Variants in RANBP17 observed in about 807,000 individuals in gnomAD.
The protein encoded by RANBP17 is RAN binding protein 17, also known as ran-binding protein 17.
RANBP17 carries 158 observed loss-of-function variants against 141.2 expected under a neutral mutation model. The ratio of observed to expected loss-of-function variants is 1.12; its 90% CI spans 0.98 to 1.28. The LOEUF is 1.28. Ranked by LOEUF, RANBP17 falls within the 50% of genes most tolerant of loss-of-function variation. The probability of loss-of-function intolerance (pLI) is 0.00; values close to 1 mark genes in which losing one functional copy is unlikely to be tolerated. For missense variants in RANBP17, 1,438 were observed against 1,290.7 expected, an observed-to-expected ratio of 1.11 and a Z score of -1.75; for synonymous variants, 430 against 450.0, an observed-to-expected ratio of 0.96 and a Z score of 0.56.
chr5:170,869,011 T>G (rs765405710), intron 1 of RANBP17, among the ~76,000 whole-genome samples: 5 of 152,204 alleles, frequency 3.3e-5, no homozygotes, highest in Non-Finnish European at 7.3e-5. Context: ...ACCTTTACAG[T>G]GAAAGAATAA....
intron 14 of RANBP17, among the ~76,000 whole-genome samples, chr5:171,093,787 A>G (rs1025459396): frequency 6.6e-6 from 1 of 152,236 alleles, no homozygotes; most frequent in African/African-American, 2.4e-5. Flanking sequence ...TTTGGGCAAT[A>G]GAGTAATGCA....
chr5:171,267,996 T>C (rs1177362778), intron 25 of RANBP17, among the ~76,000 whole-genome samples: 1 of 152,174 alleles, frequency 6.6e-6, no homozygotes, highest in Non-Finnish European at 1.5e-5. Flanking sequence ...TCATTCATAT[T>C]TTGTGTAACT....
At chr5:171,198,785 G>A (rs1045369025) in intron 18 of RANBP17, among the ~76,000 whole-genome samples, 4 of 152,112 alleles carry the variant, frequency 2.6e-5, no homozygotes, top group African/African-American at 9.7e-5. Context: ...GAACCATGTC[G>A]TTCCACCTCC....
intron 16 of RANBP17, among the ~76,000 whole-genome samples, chr5:171,177,105 C>A (rs1760534713): frequency 6.6e-6 from 1 of 152,088 alleles, no homozygotes; most frequent in African/African-American, 2.4e-5. Flanking sequence ...AGCTTACATC[C>A]CTCAGGCATA....
intron 14 of RANBP17, among the ~76,000 whole-genome samples, chr5:170,982,045 A>G (rs1224257893): frequency 6.6e-6 from 1 of 152,180 alleles, no homozygotes; most frequent in Non-Finnish European, 1.5e-5. Context: ...TTTTTTATGG[A>G]AGTTTGAACA....
At chr5:171,107,287 T>C (rs1317568126) in intron 14 of RANBP17, among the ~76,000 whole-genome samples, 1 of 152,172 alleles carries the variant, frequency 6.6e-6, no homozygotes, top group Admixed American at 6.5e-5. Context: ...AGGAATTAGT[T>C]TGTTGCTAGT....
chr5:170,881,755 C>A, intron 2 of RANBP17, 51 bp from the exon 3 acceptor site: 2 of 1,292,704 alleles, frequency 1.5e-6, no homozygotes, highest in Non-Finnish European at 2.1e-6. Flanking sequence ...TATCACAATG[C>A]TTTATTTTAA....
At chr5:171,111,682 C>T (rs1237627958) in intron 14 of RANBP17, among the ~76,000 whole-genome samples, 1 of 152,228 alleles carries the variant, frequency 6.6e-6, no homozygotes, top group Admixed American at 6.5e-5. Flanking sequence ...TGTGCTCCTT[C>T]ACTACTTTTG....
chr5:170,956,136 C>A (rs932244855), intron 13 of RANBP17, among the ~76,000 whole-genome samples: 2 of 151,722 alleles, frequency 1.3e-5, no homozygotes, highest in Admixed American at 1.3e-4. Flanking sequence ...AATGCCAATC[C>A]TACCCTCTAC....
intron 25 of RANBP17, among the ~76,000 whole-genome samples, chr5:171,288,426 T>G (rs561040201): frequency 1.1e-3 from 167 of 152,304 alleles, no homozygotes; most frequent in African/African-American, 3.9e-3. Context: ...CCTCCAGATG[T>G]GTAAAGTAGG....
At chr5:171,162,598 A>G (rs768759611) in intron 14 of RANBP17, among the ~76,000 whole-genome samples, 3 of 152,084 alleles carry the variant, frequency 2.0e-5, no homozygotes, top group Non-Finnish European at 4.4e-5. Flanking sequence ...TCTTTCTAAT[A>G]AATTATTGTT....
At chr5:170,867,334 G>A (rs574045081) in intron 1 of RANBP17, among the ~76,000 whole-genome samples, 4 of 152,070 alleles carry the variant, frequency 2.6e-5, no homozygotes, top group East Asian at 1.9e-4. Context: ...TTTTAAATCT[G>A]TAGAATAAAT....
intron 1 of RANBP17, among the ~76,000 whole-genome samples, chr5:170,864,969 T>C (rs951986191): frequency 3.3e-5 from 5 of 152,230 alleles, no homozygotes; most frequent in Admixed American, 1.3e-4. Flanking sequence ...ATCTTCTGTA[T>C]GGCAGGCACT....
At chr5:171,176,602 T>G (rs1368656439) in intron 16 of RANBP17, among the ~76,000 whole-genome samples, 1 of 152,206 alleles carries the variant, frequency 6.6e-6, no homozygotes, top group Non-Finnish European at 1.5e-5. Flanking sequence ...GTTGTTTTAT[T>G]AATATAGTTT....
intron 14 of RANBP17, among the ~76,000 whole-genome samples, chr5:171,080,729 A>C (rs139771112): frequency 1.3e-5 from 2 of 152,304 alleles, no homozygotes; most frequent in African/African-American, 4.8e-5. Flanking sequence ...TATCTTCTCT[A>C]CGTGTCAGCA....
chr5:171,242,530 G>A (rs1294518378), intron 23 of RANBP17, 152 bp from the exon 24 acceptor site: 2 of 738,008 alleles, frequency 2.7e-6, no homozygotes, highest in East Asian at 2.7e-5. Context: ...ATGCTGGATT[G>A]GGACTCATTA....
At chr5:171,260,847 A>G (rs934771307) in intron 24 of RANBP17, among the ~76,000 whole-genome samples, 1 of 152,144 alleles carries the variant, frequency 6.6e-6, no homozygotes, top group African/African-American at 2.4e-5. Flanking sequence ...GGGTAGCCTA[A>G]AAGCCTAAAC....
intron 13 of RANBP17, among the ~76,000 whole-genome samples, chr5:170,959,392 C>T (rs1311854911): frequency 2.0e-5 from 3 of 152,216 alleles, no homozygotes; most frequent in Non-Finnish European, 4.4e-5. Flanking sequence ...TGTGCTACTT[C>T]TGACCTCATT....
chr5:171,134,667 T>C (rs1757150010), intron 14 of RANBP17, among the ~76,000 whole-genome samples: 1 of 152,174 alleles, frequency 6.6e-6, no homozygotes, highest in Non-Finnish European at 1.5e-5. Context: ...AATATTAAAT[T>C]ATAAAATAAG....
Sources: gnomAD v4.1 joint callset for allele counts (sites outside exome capture counted in the v4.1 genomes callset) on GRCh38, gnomAD v4.1.1 for gene constraint, MANE v1.5 for transcripts, NCBI Gene and HGNC (gene_info 2026-07-23, HGNC 2026-07-21) for gene names.